The following PIKFYVE variants were observed in gnomAD, a reference collection of about 807,000 sequenced individuals.
PIKFYVE encodes the protein 1-phosphatidylinositol 3-phosphate 5-kinase.
A neutral mutation model predicts 257.9 loss-of-function variants in PIKFYVE; 122 were observed. That is an observed-to-expected ratio of 0.47 (90% CI 0.41 to 0.55). The LOEUF is 0.55. Among genes scored for constraint, PIKFYVE ranks in the 20% least tolerant of loss-of-function variants. PIKFYVE has a pLI of 0.00. For synonymous variants in PIKFYVE, 892 were observed against 868.9 expected (o/e 1.03, Z -0.47); for missense variants, 2,160 against 2,536.6 (o/e 0.85, Z 3.19).
At chr2:208,339,586 A>G in intron 30 of PIKFYVE, 31 bp downstream of exon 30, 1 of 1,611,166 alleles carries the variant, frequency 6.2e-7, no homozygotes, top group South Asian at 1.1e-5. Context: ...ACCATATTTC[A>G]TTGTATCTAA....
At chr2:208,310,576 G>A (rs900830117) in intron 12 of PIKFYVE, among the ~76,000 whole-genome samples, 1 of 152,102 alleles carries the variant, frequency 6.6e-6, no homozygotes, top group Non-Finnish European at 1.5e-5. Flanking sequence ...TGAAAATCAC[G>A]GCTTCCGTAA....
intron 5 of PIKFYVE, among the ~76,000 whole-genome samples, chr2:208,281,439 C>T (rs1690796115): frequency 6.6e-6 from 1 of 152,222 alleles, no homozygotes; most frequent in Non-Finnish European, 1.5e-5. Context: ...TCCATTCCCA[C>T]ATGTATTTCC....
At chr2:208,332,726 T>A (rs969609545) in intron 23 of PIKFYVE, among the ~76,000 whole-genome samples, 2 of 152,132 alleles carry the variant, frequency 1.3e-5, no homozygotes, top group African/African-American at 4.8e-5. Context: ...ACTGGCTGTG[T>A]GTGTGTCCAT....
chr2:208,313,198 C>A (rs556858180), intron 13 of PIKFYVE, among the ~76,000 whole-genome samples: 20 of 152,188 alleles, frequency 1.3e-4, no homozygotes, highest in African/African-American at 4.3e-4. Context: ...TCTTTTCTTT[C>A]CACTTATTTG....
chr2:208,315,859 T>G (rs6724309), intron 15 of PIKFYVE, among the ~76,000 whole-genome samples: 139,475 of 150,014 alleles, frequency 0.93, 65,374 homozygotes, highest in Non-Finnish European at 0.98. Flanking sequence ...TTTAACTTTT[T>G]TATGTCTCTT....
Position 208,354,080 on chromosome 2 carries a change from T to C in PIKFYVE, c.6027T>C (p.Leu2009=), listed in dbSNP as rs1422217455. Residue 2009 remains leucine (L), a synonymous_variant, in exon 40 of 42, where the codon CTT becomes CTC. Coordinates refer to ENST00000264380, the MANE Select transcript of PIKFYVE (RefSeq NM_015040.4). ...CGATCCATAGTGACTCCCATTTCCT[T>C]TCTAGCCACCTCATTATAGATTATT... is the stretch of plus-strand genomic sequence containing the variant. ...RTSIHSDSHF[L]SSHLIIDYSL... 6.2e-7 allele frequency: 1 copy of C among 1,614,004 alleles called. No individual in the cohort carries two copies.
intron 7 of PIKFYVE, among the ~76,000 whole-genome samples, chr2:208,298,033 C>T (rs1321498371): frequency 3.9e-5 from 6 of 152,064 alleles, no homozygotes; most frequent in Non-Finnish European, 7.4e-5. Flanking sequence ...GAAAGGAATT[C>T]TTTTTTTGGT....
At position 208,346,064 on chromosome 2, in the gene PIKFYVE, G is replaced by T; in HGVS notation, c.5126G>T (p.Arg1709Ile). Residue 1709 changes from arginine to isoleucine, a missense_variant, in exon 34 of 42, where the codon AGA becomes ATA. Arg to Ile is a moderately conservative substitution (Grantham distance 97). This residue lies in a region of PIKFYVE where 699 missense variants were observed against 855.8 expected (regional missense o/e 0.82). Coordinates refer to ENST00000264380, the MANE Select transcript of PIKFYVE (RefSeq NM_015040.4). ...TTTCATTTTAGTACTTCAGATAGCA[G>T]ACCAAAGAGTAGCAGCCCTATCAGA... ...GLPTNSTSDS[R>I]PKSSSPIRLP... The T allele has an allele frequency of 6.2e-7, 1 of 1,612,644 alleles. No individual in the cohort carries two copies.
At chr2:208,323,594 A>C (rs945483214) in intron 17 of PIKFYVE, among the ~76,000 whole-genome samples, 1 of 152,174 alleles carries the variant, frequency 6.6e-6, no homozygotes, top group Admixed American at 6.5e-5. Context: ...TCTTTATAGC[A>C]GCATGATTTA....
chr2:208,268,423 C>CTTTTTTTTTTTTTTTTTTTTTTTTTTT (rs35632672), intron 1 of PIKFYVE, among the ~76,000 whole-genome samples: 1 of 78,698 alleles, frequency 1.3e-5, no homozygotes, highest in Non-Finnish European at 2.5e-5. Flanking sequence ...CTCCAGAGCT[C>CTTTTTTTTTTTTTTTTTTTTTTTTTTT]TTTTTTTTTT....
At chr2:208,349,800 A>C (rs1330742194) in intron 35 of PIKFYVE, among the ~76,000 whole-genome samples, 1 of 151,914 alleles carries the variant, frequency 6.6e-6, no homozygotes, top group Non-Finnish European at 1.5e-5. Flanking sequence ...TAAATTCTCT[A>C]TTTTTCTAAT....
chr2:208,271,561 T>C lies in PIKFYVE; in HGVS notation c.42T>C (p.Ala14=), dbSNP rs1689425910. ...AGACGTCCCCAACACTGGACTCTGC[T>C]AATGATTTGCCTCGATCTCCTACTA... The part of the protein sequence containing the change: ...DDKTSPTLDS[A]NDLPRSPTSP... The change falls in exon 2 of 42, where the codon GCT becomes GCC. Residue 14 remains alanine (A), a synonymous_variant. Coordinates refer to ENST00000264380, the MANE Select transcript of PIKFYVE (RefSeq NM_015040.4). The C allele has an allele frequency of 6.2e-7, 1 of 1,614,106 alleles. No homozygotes were observed. Among genetic ancestry groups the C allele is most frequent in the Non-Finnish European group, 8.5e-7 (1 of 1,180,042 alleles).
chr2:208,351,290 A>G, intron 37 of PIKFYVE, 62 bp from the exon 38 acceptor site: 2 of 1,209,748 alleles, frequency 1.7e-6, no homozygotes, highest in Non-Finnish European at 2.5e-6. Flanking sequence ...CTTTGGAATG[A>G]TGTGTTATAG....
At chr2:208,351,140 T>C (rs868739496) in intron 37 of PIKFYVE, among the ~76,000 whole-genome samples, 193 bp downstream of exon 37, 2 of 152,256 alleles carry the variant, frequency 1.3e-5, no homozygotes, top group South Asian at 2.1e-4. Flanking sequence ...AGATGTGTTA[T>C]TGACAAAAGT....
intron 5 of PIKFYVE, among the ~76,000 whole-genome samples, chr2:208,280,500 A>G (rs1690667127): frequency 6.6e-6 from 1 of 152,202 alleles, no homozygotes; most frequent in Non-Finnish European, 1.5e-5. Context: ...GTAGGTGTCT[A>G]ATAACCCCTG....
chr2:208,267,148 T>C (rs1688742967), intron 1 of PIKFYVE, among the ~76,000 whole-genome samples: 1 of 152,252 alleles, frequency 6.6e-6, no homozygotes, highest in African/African-American at 2.4e-5. Flanking sequence ...TTATCTACTA[T>C]TGACGCAGTG....
rs35997291 is a variant in PIKFYVE at position 208,348,599 on chromosome 2, AGTGTGTGTGTGTGTGTGTGT to A, written c.5374+595_5374+614del. On this transcript the variant is annotated intron_variant, in intron 35 of 41. Transcript: ENST00000264380. ...CCTCTGTCTCTACCAAAAAAAAAAA[AGTGTGTGTGTGTGTGTGTGT>A]GTGTGTGTGTGTGTGTGTATCTACC... Among the ~76,000 whole-genome samples, 27 of 128,998 alleles carry A rather than the reference AGTGTGTGTGTGTGTGTGTGT, an allele frequency of 2.1e-4. No homozygotes were observed. In the South Asian group the frequency reaches 5.6e-3, roughly 27 times the overall value. The allele number at this position is 128,998 out of a possible 152,430, so 84.6% of individuals were successfully genotyped here.
At position 208,353,531 on chromosome 2, in the gene PIKFYVE, A is replaced by G. The variant is rs1304670838; in HGVS notation, c.5845-367A>G. Among the ~76,000 whole-genome samples, 3 of 84,000 alleles carry G rather than the reference A, an allele frequency of 3.6e-5. No homozygotes were observed. The Admixed American group carries it at 5.3e-4, about 15-fold the overall frequency. The allele number at this position is 84,000 out of a possible 152,430, so 55.1% of individuals were successfully genotyped here. ...TATCAAAACTATGTTTCTTAAGACT[A>G]TTTGCATCTCTCTCTTTTTTTTTTT... On this transcript the variant is annotated intron_variant, in intron 39 of 41. Transcript: ENST00000264380.
chr2:208,317,791 A>G lies in PIKFYVE; in HGVS notation c.2008-76A>G. 8 of 1,355,102 alleles carry G rather than the reference A, an allele frequency of 5.9e-6. No individual in the cohort carries two copies. In the South Asian group the frequency reaches 7.0e-5, roughly 12 times the overall value. The allele number at this position is 1,355,102 out of a possible 1,614,324, so 83.9% of individuals were successfully genotyped here. A position where few individuals can be genotyped will look rare whatever the true frequency, so the allele number is the denominator to read the frequency against. On this transcript the variant is annotated intron_variant, in intron 15 of 41. Coordinates refer to ENST00000264380, the MANE Select transcript of PIKFYVE (RefSeq NM_015040.4). ...ATAATAGTTTAAAAAAAATGGAAAG[A>G]AATAATAGCGTACATCTAACTAGAT...
Sources: allele counts gnomAD v4.1 joint callset (sites outside exome capture counted in the v4.1 genomes callset), GRCh38; gene constraint gnomAD v4.1.1; regional missense constraint gnomAD v4.1.1; transcripts MANE v1.5; gene names NCBI Gene and HGNC (gene_info 2026-07-23, HGNC 2026-07-21).